Variants in ATP6V0A1 observed in about 807,000 individuals in gnomAD.
The protein encoded by ATP6V0A1 is ATPase H+ transporting V0 subunit a1, also known as V-type proton ATPase 116 kDa subunit a 1.
Under a neutral mutation model 105.4 loss-of-function variants are expected in ATP6V0A1, and 43 were observed. The observed-to-expected ratio is 0.41, with a 90% CI of 0.32 to 0.53. The LOEUF (loss-of-function observed/expected upper bound fraction) is 0.53. ATP6V0A1 is among the 20% of genes least tolerant of loss of function. ATP6V0A1 has a pLI of 0.30. For missense variants in ATP6V0A1, 676 were observed against 1,051.1 expected, an observed-to-expected ratio of 0.64 and a Z score of 4.93; for synonymous variants, 362 against 372.8, an observed-to-expected ratio of 0.97 and a Z score of 0.33.
intron 10 of ATP6V0A1, among the ~76,000 whole-genome samples, chr17:42,489,885 G>A (rs958412445): frequency 1.3e-5 from 2 of 152,202 alleles, no homozygotes; most frequent in African/African-American, 2.4e-5. Flanking sequence ...GCAATGCTAT[G>A]AGATAGGCAG....
intron 14 of ATP6V0A1, 44 bp downstream of exon 14, chr17:42,495,760 C>T: frequency 6.9e-7 from 1 of 1,459,664 alleles, no homozygotes; most frequent in Non-Finnish European, 9.6e-7. Context: ...AATTTTTTAA[C>T]ACTAACCCTG....
intron 19 of ATP6V0A1, chr17:42,511,513 T>A (rs1223284842): frequency 1.4e-5 from 2 of 147,516 alleles, no homozygotes; most frequent in Non-Finnish European, 3.0e-5. Flanking sequence ...ACTCCTGTCT[T>A]GAAAAAAGAA....
intron 19 of ATP6V0A1, among the ~76,000 whole-genome samples, chr17:42,512,992 A>G (rs1023134818): frequency 2.0e-5 from 3 of 152,194 alleles, no homozygotes; most frequent in African/African-American, 7.2e-5. Flanking sequence ...GAATATACCA[A>G]ATTCAGAAGC....
intron 21 of ATP6V0A1, among the ~76,000 whole-genome samples, chr17:42,514,672 C>T (rs554445942): frequency 1.3e-5 from 2 of 152,288 alleles, no homozygotes; most frequent in East Asian, 3.9e-4. Context: ...CTTCCCTAGG[C>T]TCTAGGGAGA....
intron 19 of ATP6V0A1, among the ~76,000 whole-genome samples, chr17:42,511,987 T>C (rs1395316008): frequency 1.4e-5 from 2 of 147,238 alleles, no homozygotes; most frequent in African/African-American, 5.0e-5. Flanking sequence ...AACTGGGAGG[T>C]TAGGGTGACC....
intron 3 of ATP6V0A1, among the ~76,000 whole-genome samples, chr17:42,467,142 G>A (rs564476678): frequency 6.6e-3 from 297 of 45,182 alleles, no homozygotes; most frequent in African/African-American, 0.017. Flanking sequence ...GCGAGACTCC[G>A]TCTCAAAAAA....
chr17:42,480,532 A>G (rs928177472), intron 7 of ATP6V0A1, 135 bp from the exon 8 acceptor site: 5 of 658,528 alleles, frequency 7.6e-6, no homozygotes, highest in Non-Finnish European at 1.3e-5. Flanking sequence ...GAGTGAGGGC[A>G]GTGGTTAAAA....
chr17:42,503,035 A>G (rs1227450205), intron 17 of ATP6V0A1, among the ~76,000 whole-genome samples: 1 of 152,256 alleles, frequency 6.6e-6, no homozygotes, highest in Non-Finnish European at 1.5e-5. Context: ...TCTTAAGAAT[A>G]GATTCTGGCA....
chr17:42,514,654 A>G (rs1567872995), intron 21 of ATP6V0A1, among the ~76,000 whole-genome samples, 194 bp downstream of exon 21: 1 of 152,158 alleles, frequency 6.6e-6, no homozygotes, highest in Non-Finnish European at 1.5e-5. Context: ...AGAAAAGCAC[A>G]GCTCAGCCTT....
intron 10 of ATP6V0A1, among the ~76,000 whole-genome samples, chr17:42,487,908 T>G (rs1002194320): frequency 3.3e-5 from 5 of 152,184 alleles, no homozygotes; most frequent in African/African-American, 1.2e-4. Context: ...TTATTTTGCA[T>G]ATGTGGAGAC....
chr17:42,498,836 A>C, intron 14 of ATP6V0A1, 88 bp from the exon 15 acceptor site: 2 of 910,600 alleles, frequency 2.2e-6, no homozygotes, highest in Non-Finnish European at 3.4e-6. Flanking sequence ...AAATAAATAA[A>C]TAAATAAAAA....
chr17:42,480,550 C>A, intron 7 of ATP6V0A1, 117 bp from the exon 8 acceptor site: 3 of 835,720 alleles, frequency 3.6e-6, no homozygotes, highest in South Asian at 2.0e-5. Context: ...AAATGCAGGA[C>A]TGCCATGTCC....
At chr17:42,505,036 C>CTTT (rs1195871876) in intron 17 of ATP6V0A1, among the ~76,000 whole-genome samples, 4 of 140,830 alleles carry the variant, frequency 2.8e-5, no homozygotes, top group African/African-American at 5.2e-5. Context: ...GTGATAATCA[C>CTTT]TTTTTTTTTT....
intron 15 of ATP6V0A1, among the ~76,000 whole-genome samples, chr17:42,500,409 A>T (rs1388306426): frequency 1.3e-5 from 2 of 152,144 alleles, no homozygotes; most frequent in African/African-American, 4.8e-5. Flanking sequence ...AAGCCCAGGG[A>T]GGTTAAGACT....
chr17:42,508,676 C>CAGGG, intron 19 of ATP6V0A1, 87 bp downstream of exon 19: 1 of 1,556,518 alleles, frequency 6.4e-7, no homozygotes, highest in Non-Finnish European at 8.9e-7. Context: ...CTGCCACACC[C>CAGGG]TGGGGCCATA....
rs1359581780 is a variant in ATP6V0A1, at chr17:42,495,651, G to C, written c.1495G>C (p.Val499Leu). The change falls in exon 14 of 22, where the codon GTT (valine) becomes CTT (leucine). Residue 499 changes from valine to leucine, a missense_variant. Val to Leu is a conservative substitution (Grantham distance 32). Coordinates refer to ENST00000343619, the MANE Select transcript of ATP6V0A1 (RefSeq NM_001130021.3). Reference sequence around the variant, plus strand: ...TGAAGAGACGCTTCGGGGGAACCCTGTTCTACAGCTGAACCCAGCCCTCCC... The same window carrying C: ...TGAAGAGACGCTTCGGGGGAACCCTCTTCTACAGCTGAACCCAGCCCTCCC... Reference protein sequence around the residue: ...WTEETLRGNPVLQLNPALPGV... With the variant: ...WTEETLRGNPLLQLNPALPGV... 4 of 1,613,982 alleles carry C rather than the reference G, an allele frequency of 2.5e-6. No homozygotes were observed. The Admixed American group carries it at 6.7e-5, about 27-fold the overall frequency.
rs201542164 is a variant in ATP6V0A1, at chr17:42,470,255, A to T, written c.423+37A>T. ...GTTTCTTTTAGTATTTGAGCAGCTG[A>T]TATTATACTCACACAAGTGGGCCAT... is the stretch of plus-strand genomic sequence containing the variant. On this transcript the variant is annotated intron_variant, in intron 5 of 21. Transcript: ENST00000343619. 974 of 1,605,502 alleles carry T rather than the reference A, an allele frequency of 6.1e-4. 11 individuals are homozygous for T. The South Asian group carries it at 0.01, about 17-fold the overall frequency.
At chr17:42,483,304 G>T (rs921398138) in intron 9 of ATP6V0A1, among the ~76,000 whole-genome samples, 173 bp downstream of exon 9, 17 of 152,230 alleles carry the variant, frequency 1.1e-4, no homozygotes, top group Admixed American at 5.9e-4. Flanking sequence ...ATCAGGGAAT[G>T]ATGGTTAAAA....
Position 42,495,020 on chromosome 17 carries a change from C to T in ATP6V0A1, c.1315-14C>T. 6.2e-7 allele frequency: 1 copy of T among 1,611,598 alleles called. No individual in the cohort carries two copies. Among genetic ancestry groups the T allele is most frequent in the Non-Finnish European group, 8.5e-7 (1 of 1,177,890 alleles). On this transcript the variant is annotated splice_polypyrimidine_tract_variant and intron_variant, in intron 12 of 21. Coordinates refer to ENST00000343619, the MANE Select transcript of ATP6V0A1 (RefSeq NM_001130021.3). ...GTGAGTACATTCTCATTACTTCTTT[C>T]TTCTGGTTCCCAGATGTTTAGCACT...
Sources: gnomAD v4.1 joint callset for allele counts (sites outside exome capture counted in the v4.1 genomes callset) on GRCh38, gnomAD v4.1.1 for gene constraint, MANE v1.5 for transcripts, NCBI Gene and HGNC (gene_info 2026-07-23, HGNC 2026-07-21) for gene names.